AUTS2: variants seen among roughly 807,000 people sequenced by gnomAD.
AUTS2 encodes activator of transcription and developmental regulator AUTS2.
A neutral mutation model predicts 112.4 loss-of-function variants in AUTS2; 17 were observed. The observed-to-expected ratio is 0.15, with a 90% CI of 0.10 to 0.23. The LOEUF (loss-of-function observed/expected upper bound fraction) is 0.23. Ranked by LOEUF, AUTS2 falls within the 10% of genes least tolerant of loss-of-function variation. The pLI, the probability that AUTS2 is intolerant of heterozygous loss-of-function variation, is 1.00. For missense variants in AUTS2, 1,510 were observed against 1,701.6 expected (o/e 0.89, Z 1.98); for synonymous variants, 751 against 702.7 (o/e 1.07, Z -1.09).
At chr7:70,458,786 C>T (rs1211505559) in intron 5 of AUTS2, among the ~76,000 whole-genome samples, 4 of 152,180 alleles carry the variant, frequency 2.6e-5, no homozygotes, top group Non-Finnish European at 5.9e-5. Context: ...TGTGTTTTCT[C>T]GCTAGATTGT....
At chr7:70,491,477 A>ATATATGTTATATACACATAATG (rs1798232994) in intron 5 of AUTS2, among the ~76,000 whole-genome samples, 2 of 148,020 alleles carry the variant, frequency 1.4e-5, no homozygotes, top group African/African-American at 4.9e-5. Context: ...TACACATAAT[A>ATATATGTTATATACACATAATG]TATATGTTAT....
At chr7:69,730,785 C>G (rs978190874) in intron 1 of AUTS2, among the ~76,000 whole-genome samples, 3 of 152,056 alleles carry the variant, frequency 2.0e-5, no homozygotes, top group Non-Finnish European at 4.4e-5. Context: ...AGCTAGAGAC[C>G]ACATGGGATC....
intron 1 of AUTS2, among the ~76,000 whole-genome samples, chr7:69,857,573 T>G (rs1322739926): frequency 6.6e-6 from 1 of 152,242 alleles, no homozygotes; most frequent in Non-Finnish European, 1.5e-5. Flanking sequence ...TGCTTAAAAT[T>G]TTTATTTATC....
intron 1 of AUTS2, among the ~76,000 whole-genome samples, chr7:69,844,869 G>A (rs1322395320): frequency 6.6e-6 from 1 of 152,192 alleles, no homozygotes; most frequent in Non-Finnish European, 1.5e-5. Context: ...TCAGTGCACA[G>A]TATGGCCTCT....
intron 1 of AUTS2, among the ~76,000 whole-genome samples, chr7:69,723,458 A>G (rs894990330): frequency 1.3e-5 from 2 of 152,274 alleles, no homozygotes; most frequent in South Asian, 2.1e-4. Flanking sequence ...TCCCAATTCA[A>G]GCTTCACCAT....
At chr7:70,266,989 A>G (rs1402495502) in intron 4 of AUTS2, among the ~76,000 whole-genome samples, 2 of 152,176 alleles carry the variant, frequency 1.3e-5, no homozygotes, top group Admixed American at 1.3e-4. Context: ...AGTAACTCTC[A>G]ATTCTATTGT....
chr7:70,717,681 C>T (rs1810455524), intron 6 of AUTS2, among the ~76,000 whole-genome samples: 1 of 152,166 alleles, frequency 6.6e-6, no homozygotes, highest in African/African-American at 2.4e-5. Flanking sequence ...TGTGTAGCTT[C>T]CTCTTTGAAG....
chr7:70,176,923 G>T (rs1053827028), intron 4 of AUTS2, among the ~76,000 whole-genome samples: 3 of 152,172 alleles, frequency 2.0e-5, no homozygotes, highest in African/African-American at 4.8e-5. Flanking sequence ...TTTCTTATAT[G>T]AATTGTTTTC....
intron 5 of AUTS2, among the ~76,000 whole-genome samples, chr7:70,449,324 C>T (rs1321827101): frequency 2.0e-5 from 3 of 152,170 alleles, no homozygotes; most frequent in Non-Finnish European, 4.4e-5. Context: ...TTTCCACTGC[C>T]ATTGCTAAGA....
chr7:70,566,924 C>T (rs1801733418), intron 5 of AUTS2, among the ~76,000 whole-genome samples: 1 of 152,154 alleles, frequency 6.6e-6, no homozygotes, highest in Non-Finnish European at 1.5e-5. Flanking sequence ...TCCCTGGGAG[C>T]TCAGAGTTAT....
chr7:69,624,900 A>G (rs1793870987), intron 1 of AUTS2, among the ~76,000 whole-genome samples: 1 of 152,110 alleles, frequency 6.6e-6, no homozygotes, highest in Non-Finnish European at 1.5e-5. Flanking sequence ...AATAGTGGAG[A>G]AACTACTGCC....
chr7:70,091,092 A>C (rs571404330), intron 2 of AUTS2, among the ~76,000 whole-genome samples: 5 of 152,320 alleles, frequency 3.3e-5, no homozygotes, highest in Admixed American at 6.5e-5. Flanking sequence ...TGTGCATAGA[A>C]CTAGCGGTTG....
At chr7:69,998,945 G>T (rs1305941298) in intron 2 of AUTS2, among the ~76,000 whole-genome samples, 2 of 152,186 alleles carry the variant, frequency 1.3e-5, no homozygotes, top group Admixed American at 6.5e-5. Context: ...CAGACAGAAA[G>T]CACTGCCAGT....
chr7:70,788,140 T>C (rs10245148), intron 18 of AUTS2, among the ~76,000 whole-genome samples: 121,472 of 152,100 alleles, frequency 0.8, 48,869 homozygotes, highest in African/African-American at 0.83. Flanking sequence ...GTCTTTTTTT[T>C]TTTCTTTCTT....
At chr7:70,720,425 T>C (rs1174833309) in intron 6 of AUTS2, among the ~76,000 whole-genome samples, 3 of 152,172 alleles carry the variant, frequency 2.0e-5, no homozygotes, top group Admixed American at 2.0e-4. Flanking sequence ...AAGGTGGCTA[T>C]TACCCAGAAG....
At chr7:70,469,423 C>T (rs1298791265) in intron 5 of AUTS2, among the ~76,000 whole-genome samples, 1 of 152,100 alleles carries the variant, frequency 6.6e-6, no homozygotes, top group Non-Finnish European at 1.5e-5. Flanking sequence ...CTGGTATAGG[C>T]AACAGCAAGA....
intron 18 of AUTS2, 52 bp from the exon 19 acceptor site, chr7:70,789,696 G>C (rs753195660): frequency 6.4e-7 from 1 of 1,569,614 alleles, no homozygotes; most frequent in African/African-American, 1.4e-5. Flanking sequence ...TGGCCCGGCC[G>C]ACTCGCCCCT....
intron 2 of AUTS2, among the ~76,000 whole-genome samples, chr7:69,942,481 A>G (rs529263632): frequency 1.3e-5 from 2 of 152,190 alleles, no homozygotes; most frequent in Non-Finnish European, 1.5e-5. Context: ...TGATGTCATT[A>G]TGAAGTTGAA....
chr7:70,001,584 A>G (rs1010660879), intron 2 of AUTS2, among the ~76,000 whole-genome samples: 4 of 152,168 alleles, frequency 2.6e-5, no homozygotes, highest in Non-Finnish European at 4.4e-5. Context: ...ACTAAATGGG[A>G]AAGTAAGGTT....
Sources: allele counts gnomAD v4.1 joint callset (sites outside exome capture counted in the v4.1 genomes callset), GRCh38; gene constraint gnomAD v4.1.1; transcripts MANE v1.5; gene names NCBI Gene and HGNC (gene_info 2026-07-23, HGNC 2026-07-21).